Variants in GALNT8 observed in about 807,000 individuals in gnomAD.
GALNT8 encodes the protein polypeptide N-acetylgalactosaminyltransferase 8, also known as probable polypeptide N-acetylgalactosaminyltransferase 8.
In GALNT8, 66 loss-of-function variants were observed where a neutral mutation model predicts 62.7. The observed-to-expected ratio is 1.05, with a 90% CI of 0.86 to 1.29. The LOEUF (loss-of-function observed/expected upper bound fraction) is 1.29, where lower values mean the gene tolerates loss of function less well. GALNT8 is among the 50% of genes most tolerant of loss of function. GALNT8 has a pLI of 0.00. For missense variants in GALNT8, 771 were observed against 791.8 expected, an observed-to-expected ratio of 0.97 and a Z score of 0.32; for synonymous variants, 288 against 294.3, an observed-to-expected ratio of 0.98 and a Z score of 0.22.
chr12:4,746,360 C>G, intron 6 of GALNT8, 102 bp downstream of exon 6: 1 of 741,038 alleles, frequency 1.3e-6, no homozygotes, highest in South Asian at 1.6e-5. Flanking sequence ...ATGTCATTGG[C>G]TCAAAGGTGG....
rs1181791893 is a variant in GALNT8, at chr12:4,726,376, G to A, written c.212-156G>A. On this transcript the variant is annotated intron_variant, in intron 1 of 10. Transcript: ENST00000252318. The surrounding 1 kb of genome is among the most constrained non-coding windows in gnomAD (Gnocchi z 4.1). Reference sequence around the variant, plus strand: ...GGGACAGCCTTGCATGGCTGGATAAGTTCCCTGACATACTACATCCTCTGT... The same window carrying A: ...GGGACAGCCTTGCATGGCTGGATAAATTCCCTGACATACTACATCCTCTGT... 6.6e-6 allele frequency among the ~76,000 whole-genome samples: 1 copy of A among 152,142 alleles called. No individual in the cohort carries two copies. The highest frequency in any genetic ancestry group is 1.5e-5 in the Non-Finnish European group (1 of 68,034).
intron 6 of GALNT8, among the ~76,000 whole-genome samples, chr12:4,759,687 T>G (rs2137540796): frequency 6.6e-6 from 1 of 152,222 alleles, no homozygotes; most frequent in Admixed American, 6.5e-5. Flanking sequence ...ACACTCTTGA[T>G]AAGTTAACTG....
chr12:4,764,002 A>G lies in GALNT8; in HGVS notation c.1548A>G (p.Pro516=). 6.2e-7 allele frequency: 1 copy of G among 1,600,620 alleles called. No homozygotes were observed. Among genetic ancestry groups the G allele is most frequent in the Admixed American group, 1.7e-5 (1 of 60,022 alleles). The change falls in exon 9 of 11, where the codon CCA becomes CCG. Residue 516 remains proline, a synonymous_variant. Coordinates refer to ENST00000252318, the MANE Select transcript of GALNT8 (RefSeq NM_017417.2). The part of the protein sequence containing the change: ...ENVCLDQGPV[P]GNTPIMYYCH... ...TCTGCTTGGATCAGGGACCCGTTCCAGGCAACACCCCCATCATGTATTACT... is the reference window on the plus strand; with the variant it reads ...TCTGCTTGGATCAGGGACCCGTTCCGGGCAACACCCCCATCATGTATTACT...
intron 2 of GALNT8, among the ~76,000 whole-genome samples, chr12:4,736,709 C>T (rs1399991559): frequency 6.6e-6 from 1 of 151,728 alleles, no homozygotes; most frequent in Non-Finnish European, 1.5e-5. Flanking sequence ...AATAAATAAA[C>T]AACGAAGCAA....
intron 6 of GALNT8, among the ~76,000 whole-genome samples, chr12:4,750,910 G>A (rs1042344768): frequency 2.0e-5 from 3 of 152,012 alleles, no homozygotes; most frequent in African/African-American, 7.3e-5. Context: ...AAACATCATG[G>A]TACTAGTACA....
At chr12:4,764,530 A>ATTTTTTTTTTT (rs58809573) in intron 9 of GALNT8, among the ~76,000 whole-genome samples, 1 of 102,222 alleles carries the variant, frequency 9.8e-6, no homozygotes, top group African/African-American at 4.0e-5. Flanking sequence ...CAGTCAGGGG[A>ATTTTTTTTTTT]TTTTTTTTTT....
rs1444111296 is a variant in GALNT8, at chr12:4,745,590, C to A, written c.1022C>A (p.Ala341Asp). 1 of 1,613,828 alleles carries A rather than the reference C, an allele frequency of 6.2e-7. No individual in the cohort carries two copies. The highest frequency in any genetic ancestry group is 1.3e-5 in the African/African-American group (1 of 74,890). ...TGCCGCTACGATGCACTGCCACAAGCCTGGATTGATCTGCATGATGTCACT... is the reference window on the plus strand; with the variant it reads ...TGCCGCTACGATGCACTGCCACAAGACTGGATTGATCTGCATGATGTCACT... Reference protein sequence around the residue: ...LWCRYDALPQAWIDLHDVTAP... With the variant: ...LWCRYDALPQDWIDLHDVTAP... The change falls in exon 5 of 11, where the codon GCC (alanine) becomes GAC (aspartate). Residue 341 changes from alanine to aspartate, a missense_variant. Transcript: ENST00000252318.
Position 4,740,173 on chromosome 12 carries a change from C to T in GALNT8, c.676+844C>T, listed in dbSNP as rs187962409. On this transcript the variant is annotated intron_variant, in intron 3 of 10. Transcript: ENST00000252318. ...TCTTGCCCACAGGGTGCCCGTGCCC[C>T]GAGTCTAGCCCACCCAAGGAAGAGA... Among the ~76,000 whole-genome samples the T allele has an allele frequency of 2.2e-4, 34 of 152,230 alleles. No homozygotes were observed. The East Asian group carries it at 5.2e-3, about 23-fold the overall frequency.
intron 10 of GALNT8, among the ~76,000 whole-genome samples, chr12:4,766,148 G>T (rs940683148): frequency 6.6e-6 from 1 of 152,336 alleles, no homozygotes; most frequent in Non-Finnish European, 1.5e-5. Context: ...ATTACTTCTT[G>T]TGGCCCCGTG....
At chr12:4,744,250 A>G (rs146474838) in intron 3 of GALNT8, among the ~76,000 whole-genome samples, 88 of 152,312 alleles carry the variant, frequency 5.8e-4, no homozygotes, top group Non-Finnish European at 8.8e-4. Context: ...CACTTATAAC[A>G]GTGCCTGACA....
At chr12:4,733,849 G>A (rs1221300882) in intron 2 of GALNT8, among the ~76,000 whole-genome samples, 1 of 152,168 alleles carries the variant, frequency 6.6e-6, no homozygotes, top group Non-Finnish European at 1.5e-5. Flanking sequence ...GTTCTTCTGA[G>A]GCTCCAGGGC....
intron 1 of GALNT8, among the ~76,000 whole-genome samples, chr12:4,723,914 G>A (rs1946182470): frequency 6.6e-6 from 1 of 152,004 alleles, no homozygotes; most frequent in Non-Finnish European, 1.5e-5. Context: ...ACTTTGGAAG[G>A]CCGAGGCGGG....
intron 10 of GALNT8, chr12:4,768,520 C>T (rs1055527544): frequency 3.3e-5 from 11 of 337,490 alleles, no homozygotes; most frequent in Admixed American, 1.4e-4. Context: ...GGATGATCGC[C>T]TTCTCAGCTG....
intron 2 of GALNT8, among the ~76,000 whole-genome samples, chr12:4,736,746 A>AC (rs1448745897): frequency 1.3e-5 from 2 of 152,206 alleles, no homozygotes; most frequent in Non-Finnish European, 2.9e-5. Context: ...CTCCTGGGTT[A>AC]TATACAGAGT....
Position 4,720,654 on chromosome 12 carries a change from G to T in GALNT8, c.-24G>T. On this transcript the variant is annotated 5_prime_UTR_variant, in exon 1 of 11. Transcript: ENST00000252318. Reference sequence around the variant, plus strand: ...GCAGTGACACACTCAGTCCCACAGGGAGTGGACGACCCCCAGGAAGAAGAT... The same window carrying T: ...GCAGTGACACACTCAGTCCCACAGGTAGTGGACGACCCCCAGGAAGAAGAT... 6.9e-7 allele frequency: 1 copy of T among 1,455,206 alleles called. No homozygotes were observed. Among genetic ancestry groups the T allele is most frequent in the Non-Finnish European group, 9.7e-7 (1 of 1,034,920 alleles). 90.1% of individuals were successfully genotyped at this position (1,455,206 alleles called of 1,614,324 possible).
intron 6 of GALNT8, among the ~76,000 whole-genome samples, chr12:4,757,902 C>G (rs991238584): frequency 1.3e-5 from 2 of 152,164 alleles, no homozygotes; most frequent in Non-Finnish European, 2.9e-5. Context: ...GGTTTTCTTA[C>G]CTACCAGAGC....
At chr12:4,757,367 GA>G (rs1417453026) in intron 6 of GALNT8, among the ~76,000 whole-genome samples, 1 of 152,176 alleles carries the variant, frequency 6.6e-6, no homozygotes, top group Admixed American at 6.5e-5. Context: ...ATATTAATTA[GA>G]ATGCTCATTC....
chr12:4,767,688 G>A (rs1443610677), intron 10 of GALNT8, among the ~76,000 whole-genome samples: 1 of 152,214 alleles, frequency 6.6e-6, no homozygotes, highest in Non-Finnish European at 1.5e-5. Flanking sequence ...CAGCATGTCT[G>A]AGCATCTGGC....
chr12:4,721,766 C>T (rs1043519185), intron 1 of GALNT8, among the ~76,000 whole-genome samples: 11 of 152,156 alleles, frequency 7.2e-5, no homozygotes, highest in Admixed American at 7.2e-4. Flanking sequence ...TAATCCTCCT[C>T]AGCACAGACC....
Sources: allele counts gnomAD v4.1 joint callset (sites outside exome capture counted in the v4.1 genomes callset), GRCh38; gene constraint gnomAD v4.1.1; non-coding constraint Gnocchi (gnomAD v3.1); transcripts MANE v1.5; gene names NCBI Gene and HGNC (gene_info 2026-07-23, HGNC 2026-07-21).